ROBO1: variants seen among roughly 807,000 people sequenced by gnomAD.
The protein encoded by ROBO1 is roundabout homolog 1.
Under a neutral mutation model 195.9 loss-of-function variants are expected in ROBO1, and 149 were observed. The observed-to-expected ratio is 0.76, with a 90% CI of 0.67 to 0.87. ROBO1 has a LOEUF of 0.87. Ranked by LOEUF, ROBO1 falls within the 40% of genes least tolerant of loss-of-function variation. The probability of loss-of-function intolerance (pLI) is 0.00; values close to 1 mark genes in which losing one functional copy is unlikely to be tolerated. For synonymous variants in ROBO1, 816 were observed against 733.2 expected, an observed-to-expected ratio of 1.11 and a Z score of -1.82; for missense variants, 1,933 against 2,068.3, an observed-to-expected ratio of 0.93 and a Z score of 1.27.
intron 2 of ROBO1, among the ~76,000 whole-genome samples, chr3:79,313,050 G>A (rs769807810): frequency 1.5e-4 from 23 of 151,750 alleles, no homozygotes; most frequent in African/African-American, 3.9e-4. Context: ...AGCAGGGGGC[G>A]GTGGTGGGCA....
chr3:79,135,120 G>T (rs1382092070), intron 2 of ROBO1, among the ~76,000 whole-genome samples: 1 of 151,948 alleles, frequency 6.6e-6, no homozygotes, highest in African/African-American at 2.4e-5. Context: ...TAGTCATCAT[G>T]TTGTATAATG....
intron 4 of ROBO1, among the ~76,000 whole-genome samples, chr3:78,847,585 AAAT>A (rs1354388704): frequency 6.6e-6 from 1 of 152,200 alleles, no homozygotes; most frequent in Non-Finnish European, 1.5e-5. Context: ...TTCCCTTTTC[AAAT>A]AATAACACCT....
chr3:79,391,635 T>G (rs1263310914), intron 2 of ROBO1, among the ~76,000 whole-genome samples: 2 of 152,170 alleles, frequency 1.3e-5, no homozygotes, highest in African/African-American at 4.8e-5. Context: ...GAGATATCTA[T>G]GTGAATTGTA....
chr3:79,673,804 G>T (rs1014971842), intron 1 of ROBO1, among the ~76,000 whole-genome samples: 3 of 151,978 alleles, frequency 2.0e-5, no homozygotes, highest in Middle Eastern at 3.4e-3. Flanking sequence ...AATAAGAAAA[G>T]TTACCTTTGG....
chr3:79,021,822 G>A (rs1206386307), intron 3 of ROBO1, among the ~76,000 whole-genome samples: 10 of 151,888 alleles, frequency 6.6e-5, no homozygotes, highest in South Asian at 2.1e-4. Flanking sequence ...CACCACTCCC[G>A]GCTAATTTTT....
Position 79,129,820 on chromosome 3 carries a change from C to T in ROBO1, c.89-4281G>A, listed in dbSNP as rs185808213. Among the ~76,000 whole-genome samples the T allele has an allele frequency of 3.4e-3, 518 of 151,372 alleles. 15 individuals are homozygous for T. The East Asian group carries it at 0.084, about 24-fold the overall frequency. On this transcript the variant is annotated intron_variant, in intron 2 of 30. Transcript: ENST00000464233. Reference sequence around the variant, plus strand: ...AGGGTTTTTATGGTTTTAGGTCTAACGTTTAAATCTTTAATCCATCTTGAA... The same window carrying T: ...AGGGTTTTTATGGTTTTAGGTCTAATGTTTAAATCTTTAATCCATCTTGAA...
At chr3:79,122,493 A>C (rs1184821243) in intron 3 of ROBO1, among the ~76,000 whole-genome samples, 1 of 151,990 alleles carries the variant, frequency 6.6e-6, no homozygotes, top group Admixed American at 6.6e-5. Context: ...TCCCAACTAA[A>C]TCACTTACAA....
chr3:79,114,550 T>C (rs2079954914), intron 3 of ROBO1, among the ~76,000 whole-genome samples: 1 of 152,130 alleles, frequency 6.6e-6, no homozygotes, highest in Admixed American at 6.6e-5. Flanking sequence ...GGCTCATAGA[T>C]CTTGGTGAGC....
At chr3:79,415,547 G>C (rs967913305) in intron 2 of ROBO1, among the ~76,000 whole-genome samples, 1 of 152,116 alleles carries the variant, frequency 6.6e-6, no homozygotes, top group Non-Finnish European at 1.5e-5. Flanking sequence ...CACATATTAG[G>C]ATGAAAGAAT....
At chr3:79,506,604 C>G (rs1940411124) in intron 2 of ROBO1, among the ~76,000 whole-genome samples, 1 of 152,052 alleles carries the variant, frequency 6.6e-6, no homozygotes, top group Non-Finnish European at 1.5e-5. Flanking sequence ...ACCACCACGC[C>G]CAGCTAATTT....
At chr3:79,436,606 T>C (rs1262797279) in intron 2 of ROBO1, among the ~76,000 whole-genome samples, 1 of 152,134 alleles carries the variant, frequency 6.6e-6, no homozygotes. Flanking sequence ...CACTTACATA[T>C]GGGCTTGCTG....
intron 2 of ROBO1, among the ~76,000 whole-genome samples, chr3:79,256,319 C>T (rs1354579676): frequency 6.6e-6 from 1 of 152,092 alleles, no homozygotes; most frequent in African/African-American, 2.4e-5. Flanking sequence ...GTGTTCATTA[C>T]CAACTTCACA....
chr3:78,787,568 T>A (rs576260817), intron 4 of ROBO1, among the ~76,000 whole-genome samples: 2 of 152,336 alleles, frequency 1.3e-5, no homozygotes, highest in East Asian at 3.9e-4. Flanking sequence ...AAAATTTCAG[T>A]AAAACAAGCT....
intron 2 of ROBO1, among the ~76,000 whole-genome samples, chr3:79,144,693 T>C (rs1214042151): frequency 6.6e-6 from 1 of 151,980 alleles, no homozygotes; most frequent in East Asian, 1.9e-4. Context: ...TCTCCTTATA[T>C]TAAAAGGAAA....
intron 1 of ROBO1, among the ~76,000 whole-genome samples, chr3:79,725,223 C>CTTT (rs35418345): frequency 0.016 from 1,747 of 106,380 alleles, 67 homozygotes; most frequent in East Asian, 0.08. Context: ...CTCTCTTCTT[C>CTTT]TTTTTTTTTT....
intron 4 of ROBO1, among the ~76,000 whole-genome samples, chr3:78,907,519 T>C (rs2037996427): frequency 1.3e-5 from 2 of 152,094 alleles, no homozygotes; most frequent in Non-Finnish European, 1.5e-5. Flanking sequence ...ATAACCTTCA[T>C]TTATTCCCTT....
At chr3:79,492,426 AG>A (rs779266631) in intron 2 of ROBO1, among the ~76,000 whole-genome samples, 6,762 of 58,272 alleles carry the variant, frequency 0.12, 587 homozygotes, top group African/African-American at 0.33. Flanking sequence ...ACTCTGTTTC[AG>A]AAAAAAAAAA....
chr3:79,531,588 T>A (rs1941665354), intron 2 of ROBO1, among the ~76,000 whole-genome samples: 1 of 152,218 alleles, frequency 6.6e-6, no homozygotes, highest in Non-Finnish European at 1.5e-5. Flanking sequence ...CTTTTTTCTG[T>A]CTTAATATTT....
chr3:79,766,265 C>T (rs1553651937), intron 1 of ROBO1, among the ~76,000 whole-genome samples: 1 of 151,858 alleles, frequency 6.6e-6, no homozygotes, highest in Non-Finnish European at 1.5e-5. Flanking sequence ...GCTTGTTTTC[C>T]TTCCCCTCTT....
Sources: gnomAD v4.1 joint callset for allele counts (sites outside exome capture counted in the v4.1 genomes callset) on GRCh38, gnomAD v4.1.1 for gene constraint, MANE v1.5 for transcripts, NCBI Gene and HGNC (gene_info 2026-07-23, HGNC 2026-07-21) for gene names.